Variants in CCDC7 observed in about 807,000 individuals in gnomAD.
CCDC7 encodes coiled-coil domain-containing protein 7.
Under a neutral mutation model 196.9 loss-of-function variants are expected in CCDC7, and 183 were observed. The observed-to-expected ratio is 0.93, with a 90% confidence interval of 0.82 to 1.05. The LOEUF (loss-of-function observed/expected upper bound fraction) is 1.05, where lower values mean the gene tolerates loss of function less well. Among genes scored for constraint, CCDC7 ranks in the 50% least tolerant of loss-of-function variants. CCDC7 has a pLI of 0.00. For missense variants in CCDC7, 1,540 were observed against 1,482.2 expected, an observed-to-expected ratio of 1.04 and a Z score of -0.64; for synonymous variants, 525 against 484.6, an observed-to-expected ratio of 1.08 and a Z score of -1.10.
intron 28 of CCDC7, among the ~76,000 whole-genome samples, chr10:32,742,555 G>C (rs2086044000): frequency 6.6e-6 from 1 of 152,062 alleles, no homozygotes; most frequent in Non-Finnish European, 1.5e-5. Flanking sequence ...CCATGATTTT[G>C]CTTTTTTCAG....
chr10:32,809,380 T>C (rs1423460274), intron 30 of CCDC7, among the ~76,000 whole-genome samples: 1 of 152,116 alleles, frequency 6.6e-6, no homozygotes, highest in Admixed American at 6.5e-5. Context: ...AAGAGGTAGA[T>C]ATCATTAAGA....
At chr10:32,641,358 T>C (rs2066766911) in intron 20 of CCDC7, among the ~76,000 whole-genome samples, 1 of 152,202 alleles carries the variant, frequency 6.6e-6, no homozygotes, top group Non-Finnish European at 1.5e-5. Flanking sequence ...TTTCTTTTTA[T>C]TGTTTTTTCT....
intron 33 of CCDC7, among the ~76,000 whole-genome samples, chr10:32,838,083 G>T (rs1266023299): frequency 6.6e-6 from 1 of 151,824 alleles, no homozygotes; most frequent in Non-Finnish European, 1.5e-5. Context: ...ATACAAATAT[G>T]CATATAAAAA....
chr10:32,707,769 G>A (rs953058465), intron 24 of CCDC7, among the ~76,000 whole-genome samples: 198 of 152,272 alleles, frequency 1.3e-3, no homozygotes, highest in African/African-American at 3.6e-3. Context: ...TACAAGGGAC[G>A]TGAAGGACCT....
intron 18 of CCDC7, among the ~76,000 whole-genome samples, chr10:32,609,727 T>G (rs918849716): frequency 6.6e-6 from 1 of 152,158 alleles, no homozygotes; most frequent in African/African-American, 2.4e-5. Context: ...TTTAGCACCA[T>G]CCTCTTAGTA....
At chr10:32,695,286 C>A (rs1030000099) in intron 24 of CCDC7, among the ~76,000 whole-genome samples, 1 of 152,122 alleles carries the variant, frequency 6.6e-6, no homozygotes, top group African/African-American at 2.4e-5. Flanking sequence ...ATTATGAGTC[C>A]AAGTGTTCAA....
intron 20 of CCDC7, among the ~76,000 whole-genome samples, chr10:32,661,836 G>A (rs1002682124): frequency 2.0e-5 from 3 of 152,170 alleles, no homozygotes; most frequent in Admixed American, 6.5e-5. Flanking sequence ...CACTGCCTGG[G>A]TTTGGAGTAG....
chr10:32,676,468 C>T (rs1375814262), intron 21 of CCDC7, among the ~76,000 whole-genome samples: 2 of 151,328 alleles, frequency 1.3e-5, no homozygotes, highest in Non-Finnish European at 3.0e-5. Context: ...GCAACCTACT[C>T]ATCTGACAAA....
intron 21 of CCDC7, among the ~76,000 whole-genome samples, chr10:32,670,097 C>G (rs546169321): frequency 6.6e-6 from 1 of 152,036 alleles, no homozygotes; most frequent in Non-Finnish European, 1.5e-5. Context: ...CCTGGGTTGT[C>G]CTGGGTTCTT....
chr10:32,659,002 A>T (rs917550638), intron 20 of CCDC7, among the ~76,000 whole-genome samples: 1 of 147,806 alleles, frequency 6.8e-6, no homozygotes, highest in Non-Finnish European at 1.5e-5. Flanking sequence ...TTTGTTGACC[A>T]TTTCTAGAGT....
At chr10:32,638,230 C>T (rs2066023385) in intron 20 of CCDC7, among the ~76,000 whole-genome samples, 1 of 152,188 alleles carries the variant, frequency 6.6e-6, no homozygotes, top group Admixed American at 6.5e-5. Context: ...ATATCCTTCT[C>T]CTGCCTGATT....
intron 24 of CCDC7, among the ~76,000 whole-genome samples, chr10:32,705,871 G>A (rs904388876): frequency 6.6e-6 from 1 of 152,092 alleles, no homozygotes; most frequent in Non-Finnish European, 1.5e-5. Flanking sequence ...ATAACAATGG[G>A]AGACTTTAAC....
rs186617101 is a variant in CCDC7 at position 32,783,188 on chromosome 10, T to C, written c.3013+4104T>C. 1.8e-3 allele frequency among the ~76,000 whole-genome samples: 274 copies of C among 152,302 alleles called. 1 individual carries two copies. Among genetic ancestry groups the C allele is most frequent in the Middle Eastern group, 0.01 (3 of 294 alleles). On this transcript the variant is annotated intron_variant, in intron 29 of 41. Coordinates refer to ENST00000639629, the Ensembl canonical transcript of CCDC7. Reference sequence around the variant, plus strand: ...TGGACTTCATCAAAATTAAAAACTTTTGTCATCAAAAGACAGTGTCAGAGA... The same window carrying C: ...TGGACTTCATCAAAATTAAAAACTTCTGTCATCAAAAGACAGTGTCAGAGA...
At chr10:32,821,877 G>T (rs1212445471) in intron 31 of CCDC7, among the ~76,000 whole-genome samples, 1 of 151,994 alleles carries the variant, frequency 6.6e-6, no homozygotes, top group Non-Finnish European at 1.5e-5. Flanking sequence ...GAGTTAATGG[G>T]TGCAGCACAC....
At chr10:32,692,831 G>A (rs150007944) in intron 23 of CCDC7, among the ~76,000 whole-genome samples, 5,040 of 152,288 alleles carry the variant, frequency 0.033, 103 homozygotes, top group Non-Finnish European at 0.05. Context: ...AGATGCATCA[G>A]TGTAGACTGT....
At chr10:32,642,433 G>C (rs932610801) in intron 20 of CCDC7, among the ~76,000 whole-genome samples, 1 of 152,196 alleles carries the variant, frequency 6.6e-6, no homozygotes, top group Non-Finnish European at 1.5e-5. Flanking sequence ...CTCCGTGGGC[G>C]TAGGACCCTC....
intron 29 of CCDC7, among the ~76,000 whole-genome samples, chr10:32,799,711 C>T (rs573593708): frequency 7.9e-5 from 12 of 152,176 alleles, no homozygotes; most frequent in Non-Finnish European, 1.5e-4. Context: ...GGATTTATTT[C>T]CCATCCTCTG....
intron 13 of CCDC7, among the ~76,000 whole-genome samples, chr10:32,545,585 C>G (rs2136196295): frequency 6.6e-6 from 1 of 152,226 alleles, no homozygotes; most frequent in African/African-American, 2.4e-5. Context: ...TCCTAAAGAT[C>G]CAAAGGGTAC....
At chr10:32,497,759 TG>T (rs1215401489) in intron 9 of CCDC7, among the ~76,000 whole-genome samples, 1 of 152,066 alleles carries the variant, frequency 6.6e-6, no homozygotes, top group African/African-American at 2.4e-5. Context: ...CTGAGAGACT[TG>T]TTTGTTATGA....
Sources: allele counts gnomAD v4.1 joint callset (sites outside exome capture counted in the v4.1 genomes callset), GRCh38; gene constraint gnomAD v4.1.1; transcripts MANE v1.5; gene names NCBI Gene and HGNC (gene_info 2026-07-23, HGNC 2026-07-21).